ANKRD17: variants seen among roughly 807,000 people sequenced by gnomAD.
The protein encoded by ANKRD17 is ankyrin repeat domain 17.
Under a neutral mutation model 229.7 loss-of-function variants are expected in ANKRD17, and 19 were observed. The ratio of observed to expected loss-of-function variants is 0.08; its 90% confidence interval spans 0.06 to 0.12. The LOEUF (loss-of-function observed/expected upper bound fraction) is 0.12. ANKRD17 is among the 10% of genes least tolerant of loss of function. The probability of loss-of-function intolerance (pLI) is 1.00; values close to 1 mark genes in which losing one functional copy is unlikely to be tolerated. For synonymous variants in ANKRD17, 1,112 were observed against 1,146.1 expected (o/e 0.97, Z 0.60); for missense variants, 2,176 against 3,176.8 (o/e 0.68, Z 7.57).
At chr4:73,142,407 G>T in intron 12 of ANKRD17, 22 bp from the exon 13 acceptor site, 1 of 1,583,554 alleles carries the variant, frequency 6.3e-7, no homozygotes, top group South Asian at 1.2e-5. Context: ...AATATGGAAG[G>T]GGAAAAAAAG....
chr4:73,226,480 C>T (rs1015529152), intron 1 of ANKRD17, among the ~76,000 whole-genome samples: 3 of 147,258 alleles, frequency 2.0e-5, no homozygotes, highest in Non-Finnish European at 4.5e-5. Context: ...CTGCAACCTC[C>T]GCCTCTGGAT....
intron 6 of ANKRD17, among the ~76,000 whole-genome samples, chr4:73,152,586 A>G (rs970830240): frequency 2.0e-5 from 3 of 152,094 alleles, no homozygotes; most frequent in Admixed American, 6.5e-5. Context: ...GCAAGCCCCA[A>G]CCTCAGATCC....
chr4:73,173,789 G>A lies in ANKRD17; in HGVS notation c.547+3591C>T, dbSNP rs574308682. 1.1e-4 allele frequency among the ~76,000 whole-genome samples: 16 copies of A among 152,258 alleles called. No homozygotes were observed. The South Asian group carries it at 3.1e-3, about 30-fold the overall frequency. ...ATAAAGGTAGAAGCAGCAGTGGGAA[G>A]AGCCTTGTAAGCACACCCAGTCTCC... On this transcript the variant is annotated intron_variant, in intron 2 of 33. Transcript: ENST00000358602.
intron 18 of ANKRD17, among the ~76,000 whole-genome samples, chr4:73,123,801 G>A (rs1727073364): frequency 6.6e-6 from 1 of 151,720 alleles, no homozygotes; most frequent in Non-Finnish European, 1.5e-5. Flanking sequence ...TATGACTGGG[G>A]GGAAGTGGGG....
intron 1 of ANKRD17, among the ~76,000 whole-genome samples, chr4:73,224,175 C>G (rs921042655): frequency 6.6e-6 from 1 of 152,120 alleles, no homozygotes; most frequent in African/African-American, 2.4e-5. Flanking sequence ...ATCACGTGAA[C>G]CCGGGAGGTG....
chr4:73,177,947 C>T (rs1375758823), intron 1 of ANKRD17, among the ~76,000 whole-genome samples: 2 of 152,070 alleles, frequency 1.3e-5, no homozygotes, highest in Admixed American at 6.6e-5. Flanking sequence ...TTTATATAAA[C>T]CCTGTATTTC....
At chr4:73,245,268 C>A (rs1199528798) in intron 1 of ANKRD17, among the ~76,000 whole-genome samples, 2 of 152,132 alleles carry the variant, frequency 1.3e-5, no homozygotes, top group Non-Finnish European at 2.9e-5. Flanking sequence ...GCACAAATAC[C>A]TTCTCTCAAT....
At chr4:73,237,870 A>T (rs1385903614) in intron 1 of ANKRD17, among the ~76,000 whole-genome samples, 2 of 152,208 alleles carry the variant, frequency 1.3e-5, no homozygotes, top group African/African-American at 4.8e-5. Flanking sequence ...CATATTCTAC[A>T]TAAATTCTAA....
intron 1 of ANKRD17, among the ~76,000 whole-genome samples, chr4:73,188,812 G>C: frequency 6.6e-6 from 1 of 152,086 alleles, no homozygotes; most frequent in South Asian, 2.1e-4. Context: ...GAGGATATAA[G>C]CCTTTGGCGA....
At chr4:73,168,924 C>T (rs1346553225) in intron 2 of ANKRD17, 1 of 152,122 alleles carries the variant, frequency 6.6e-6, no homozygotes, top group African/African-American at 2.4e-5. Flanking sequence ...CTTTTCAATC[C>T]TCACCTTCCT....
chr4:73,216,696 C>CCA (rs895397989), intron 1 of ANKRD17, among the ~76,000 whole-genome samples: 19 of 152,144 alleles, frequency 1.2e-4, no homozygotes, highest in Non-Finnish European at 2.4e-4. Flanking sequence ...CACTCCCTCT[C>CCA]TATATATAAT....
intron 4 of ANKRD17, 63 bp downstream of exon 4, chr4:73,155,956 T>A (rs1163813692): frequency 2.0e-6 from 3 of 1,521,596 alleles, no homozygotes; most frequent in East Asian, 2.3e-5. Flanking sequence ...TTTTATTATT[T>A]CCTTAGTAAG....
chr4:73,201,231 T>C (rs979292275), intron 1 of ANKRD17, among the ~76,000 whole-genome samples: 1 of 152,028 alleles, frequency 6.6e-6, no homozygotes, highest in African/African-American at 2.4e-5. Context: ...TTTATCACAC[T>C]TGACAAAGAT....
intron 1 of ANKRD17, among the ~76,000 whole-genome samples, chr4:73,239,476 T>C (rs998782667): frequency 1.8e-4 from 28 of 152,176 alleles, no homozygotes; most frequent in Non-Finnish European, 3.5e-4. Flanking sequence ...GATAACTATA[T>C]GTGTATTAAC....
intron 24 of ANKRD17, among the ~76,000 whole-genome samples, chr4:73,110,670 G>T (rs536682264): frequency 6.6e-6 from 1 of 152,146 alleles, no homozygotes; most frequent in African/African-American, 2.4e-5. Context: ...TTAAAAAATA[G>T]TGAGCCAAAC....
At chr4:73,245,271 C>A (rs1744394962) in intron 1 of ANKRD17, among the ~76,000 whole-genome samples, 1 of 152,218 alleles carries the variant, frequency 6.6e-6, no homozygotes, top group East Asian at 1.9e-4. Context: ...CAAATACCTT[C>A]TCTCAATTAT....
At chr4:73,109,312 A>C (rs1045491607) in intron 24 of ANKRD17, among the ~76,000 whole-genome samples, 3 of 151,886 alleles carry the variant, frequency 2.0e-5, no homozygotes, top group Non-Finnish European at 2.9e-5. Context: ...AAAAAAAAAA[A>C]AACTTTATCT....
At chr4:73,087,014 G>A (rs1253951915) in intron 29 of ANKRD17, among the ~76,000 whole-genome samples, 1 of 135,244 alleles carries the variant, frequency 7.4e-6, no homozygotes, top group Non-Finnish European at 1.6e-5. Flanking sequence ...GGGCAAAAAA[G>A]GGCTGTAGAT....
intron 29 of ANKRD17, among the ~76,000 whole-genome samples, chr4:73,086,103 T>C (rs915458590): frequency 2.0e-5 from 3 of 152,230 alleles, no homozygotes; most frequent in Non-Finnish European, 4.4e-5. Context: ...TTGATTTTAG[T>C]ACTTTCAGCA....
Sources: allele counts gnomAD v4.1 joint callset (sites outside exome capture counted in the v4.1 genomes callset), GRCh38; gene constraint gnomAD v4.1.1; transcripts MANE v1.5; gene names NCBI Gene and HGNC (gene_info 2026-07-23, HGNC 2026-07-21).